TLN2: variants seen among roughly 807,000 people sequenced by gnomAD.
TLN2 encodes the protein talin-2.
Under a neutral mutation model 294.7 loss-of-function variants are expected in TLN2, and 118 were observed. That is an observed-to-expected ratio of 0.40 (90% CI 0.34 to 0.47). The LOEUF (loss-of-function observed/expected upper bound fraction) is 0.47. Among genes scored for constraint, TLN2 ranks in the 20% least tolerant of loss-of-function variants. The pLI is 0.84. For missense variants in TLN2, 3,083 were observed against 3,282.2 expected, an observed-to-expected ratio of 0.94 and a Z score of 1.48; for synonymous variants, 1,431 against 1,304.5, an observed-to-expected ratio of 1.10 and a Z score of -2.09.
At chr15:62,692,808 T>G (rs1300463464) in intron 12 of TLN2, 32 bp from the exon 13 acceptor site, 2 of 1,556,606 alleles carry the variant, frequency 1.3e-6, no homozygotes, top group African/African-American at 2.7e-5. Context: ...ATATCTGATT[T>G]GGCTATATTT....
chr15:62,813,817 C>CTT (rs56933837), intron 52 of TLN2, among the ~76,000 whole-genome samples: 4 of 144,148 alleles, frequency 2.8e-5, no homozygotes, highest in South Asian at 2.2e-4. Context: ...TGCATATGGG[C>CTT]TTTTTTTTTT....
chr15:62,560,615 CA>C (rs2042878650), intron 1 of TLN2, among the ~76,000 whole-genome samples: 1 of 152,254 alleles, frequency 6.6e-6, no homozygotes, highest in African/African-American at 2.4e-5. Flanking sequence ...CGTGAGCCAT[CA>C]TGCCTGGCCA....
intron 1 of TLN2, among the ~76,000 whole-genome samples, chr15:62,533,706 G>A (rs2041180133): frequency 6.6e-6 from 1 of 152,186 alleles, no homozygotes; most frequent in African/African-American, 2.4e-5. Context: ...GTATTTAGAT[G>A]TCTTTCTTGG....
chr15:62,806,928 G>C (rs2066327618), intron 51 of TLN2, among the ~76,000 whole-genome samples: 1 of 152,144 alleles, frequency 6.6e-6, no homozygotes, highest in African/African-American at 2.4e-5. Context: ...TGGCTTCTTG[G>C]TGGCTCCTCA....
intron 32 of TLN2, among the ~76,000 whole-genome samples, chr15:62,745,870 G>A (rs948733345): frequency 6.6e-6 from 1 of 152,122 alleles, no homozygotes; most frequent in East Asian, 1.9e-4. Context: ...ATTAGTTATG[G>A]GAATTCGTGA....
chr15:62,744,026 C>A (rs747922155), intron 32 of TLN2, among the ~76,000 whole-genome samples: 1 of 152,106 alleles, frequency 6.6e-6, no homozygotes, highest in Non-Finnish European at 1.5e-5. Context: ...GCATTTGCTC[C>A]GTAAACAGAA....
chr15:62,612,808 G>C (rs113870014), intron 2 of TLN2, among the ~76,000 whole-genome samples: 1 of 152,126 alleles, frequency 6.6e-6, no homozygotes, highest in East Asian at 1.9e-4. Context: ...TTTATGTTAC[G>C]TAGAAATGTA....
intron 19 of TLN2, among the ~76,000 whole-genome samples, chr15:62,703,104 A>ATTTT (rs34852037): frequency 1.4e-5 from 2 of 140,912 alleles, no homozygotes; most frequent in Non-Finnish European, 1.6e-5. Flanking sequence ...AGCTTTCCTG[A>ATTTT]TTTTTTTTTT....
intron 1 of TLN2, among the ~76,000 whole-genome samples, chr15:62,438,930 TG>T: frequency 6.6e-6 from 1 of 152,258 alleles, no homozygotes; most frequent in East Asian, 1.9e-4. Flanking sequence ...CTTAATTTCC[TG>T]TTTCTTTTGT....
intron 1 of TLN2, among the ~76,000 whole-genome samples, chr15:62,413,018 A>G (rs925772068): frequency 2.0e-5 from 3 of 152,170 alleles, no homozygotes; most frequent in African/African-American, 7.2e-5. Flanking sequence ...AGAGTGGAGG[A>G]TAGGGAGGAG....
At chr15:62,438,359 G>C (rs1304735522) in intron 1 of TLN2, among the ~76,000 whole-genome samples, 1 of 152,152 alleles carries the variant, frequency 6.6e-6, no homozygotes, top group African/African-American at 2.4e-5. Flanking sequence ...AGACAGCCTT[G>C]TCTGTAAAGC....
intron 3 of TLN2, among the ~76,000 whole-genome samples, chr15:62,636,249 AATAGATAG>A (rs57713976): frequency 6.4e-4 from 96 of 150,128 alleles, no homozygotes; most frequent in African/African-American, 1.7e-3. Context: ...GGGATACTGT[AATAGATAG>A]ATAGATAGAT....
chr15:62,784,735 C>T (rs2064495970), intron 45 of TLN2: 1 of 152,188 alleles, frequency 6.6e-6, no homozygotes. Flanking sequence ...ATTACAGGGA[C>T]ACTTAAAAGA....
intron 2 of TLN2, among the ~76,000 whole-genome samples, chr15:62,610,278 TC>T (rs2047815991): frequency 6.6e-6 from 1 of 152,258 alleles, no homozygotes; most frequent in Non-Finnish European, 1.5e-5. Flanking sequence ...TAAAGTATCT[TC>T]AAATACTGAA....
chr15:62,434,400 T>G (rs1015312607), intron 1 of TLN2, among the ~76,000 whole-genome samples: 37 of 152,206 alleles, frequency 2.4e-4, no homozygotes, highest in African/African-American at 8.4e-4. Context: ...TATAGTATAT[T>G]CCATTTCGTC....
rs1473822336 is a variant in TLN2 at position 62,819,513 on chromosome 15, T to C, written c.6772-3T>C. 2.5e-6 allele frequency: 4 copies of C among 1,613,468 alleles called. No homozygotes were observed. The African/African-American group carries it at 5.3e-5, about 22-fold the overall frequency. ...ATGCCTCTGACTTGTTCTTCACCTG[T>C]AGATTCTTCAGAAACCAACCCCAGA... On this transcript the variant is annotated splice_polypyrimidine_tract_variant and splice_region_variant and intron_variant, in intron 52 of 58. Coordinates refer to ENST00000636159, the MANE Select transcript of TLN2 (RefSeq NM_015059.3).
chr15:62,534,626 A>ATG (rs1428990556), intron 1 of TLN2, among the ~76,000 whole-genome samples: 1 of 152,088 alleles, frequency 6.6e-6, no homozygotes, highest in Non-Finnish European at 1.5e-5. Flanking sequence ...TTTGCCATTG[A>ATG]TGATCAAGTC....
At chr15:62,579,762 A>C (rs187372617) in intron 1 of TLN2, among the ~76,000 whole-genome samples, 111 of 152,330 alleles carry the variant, frequency 7.3e-4, no homozygotes, top group Non-Finnish European at 1.3e-3. Flanking sequence ...CACTTGAGGA[A>C]GTCACATTCT....
intron 24 of TLN2, 46 bp downstream of exon 24, chr15:62,717,735 T>G: frequency 2.2e-6 from 3 of 1,369,894 alleles, no homozygotes; most frequent in Non-Finnish European, 2.9e-6. Context: ...CAGATGACCC[T>G]GATAACATTA....
Sources: allele counts gnomAD v4.1 joint callset (sites outside exome capture counted in the v4.1 genomes callset), GRCh38; gene constraint gnomAD v4.1.1; transcripts MANE v1.5; gene names NCBI Gene and HGNC (gene_info 2026-07-23, HGNC 2026-07-21).